Variants in CABS1 observed in about 807,000 individuals in gnomAD.
The protein encoded by CABS1 is calcium binding protein, spermatid associated 1, also known as calcium-binding and spermatid-specific protein 1.
For synonymous variants in CABS1, 195 were observed against 169.0 expected (o/e 1.15, Z -1.19); for missense variants, 500 against 464.3 (o/e 1.08, Z -0.71).
rs1288197615 is a variant in CABS1, at chr4:70,335,418, G to T, written c.379G>T (p.Val127Phe). The T allele has an allele frequency of 5.6e-6, 9 of 1,613,690 alleles. No homozygotes were observed. The East Asian group carries it at 2.0e-4, about 36-fold the overall frequency. The change falls in exon 1 of 2, where the codon GTT becomes TTT. Residue 127 changes from valine to phenylalanine, a missense_variant. Val to Phe is a conservative substitution (Grantham distance 50). Transcript: ENST00000273936. Reference sequence around the variant, plus strand: ...GAAAATTGGGAATATTTCATCACCAGTTACTACTGTTTCTTTAATAGATTT... The same window carrying T: ...GAAAATTGGGAATATTTCATCACCATTTACTACTGTTTCTTTAATAGATTT... ...PVKIGNISSP[V>F]TTVSLIDFST... is the part of the protein sequence containing the mutation.
Position 70,335,327 on chromosome 4 carries a change from T to A in CABS1, c.288T>A (p.Ile96=). ...IKSTTHLQKE[I]TSLTGTTNSI... is the part of the protein sequence containing the mutation. The stretch of plus-strand genomic sequence containing the variant: ...CAACAACTCACCTACAGAAAGAAAT[T>A]ACCTCTCTGACTGGCACTACAAACT... Residue 96 remains isoleucine (I), a synonymous_variant, in exon 1 of 2, where the codon ATT becomes ATA. Transcript: ENST00000273936. The A allele has an allele frequency of 6.2e-7, 1 of 1,613,776 alleles. No individual in the cohort carries two copies. Among genetic ancestry groups the A allele is most frequent in the Non-Finnish European group, 8.5e-7 (1 of 1,179,874 alleles).
chr4:70,335,102 A>AAC lies in CABS1; in HGVS notation c.64_65dup (p.Ala23LeufsTer30). 6.2e-7 allele frequency: 1 copy of AAC among 1,613,676 alleles called. No individual in the cohort carries two copies. Reference sequence around the variant, plus strand: ...CTCCAACAGAAAGCAGTAAAACACCAACTGCAGCAACCATTTTCTTTGGGG... The same window carrying AAC: ...CTCCAACAGAAAGCAGTAAAACACCAACACTGCAGCAACCATTTTCTTTGGGG... On this transcript the variant is annotated frameshift_variant, in exon 1 of 2. Coordinates refer to ENST00000273936, the MANE Select transcript of CABS1 (RefSeq NM_033122.4). LOFTEE classifies it low-confidence loss of function (END_TRUNC).
At chr4:70,336,431 G>A in intron 1 of CABS1, 85 bp downstream of exon 1, 2 of 588,946 alleles carry the variant, frequency 3.4e-6, no homozygotes, top group Non-Finnish European at 5.4e-6. Flanking sequence ...AAAAACCGCA[G>A]TGTAAGGGTC....
rs1441641724 is a variant in CABS1 at position 70,335,823 on chromosome 4, G to A, written c.784G>A (p.Glu262Lys). ...TGTGGCTACATTAACTGACTCTGAT[G>A]AGAAGTTTATCACTGTGTTTGAACT... Reference protein sequence around the residue: ...SAVATLTDSDEKFITVFELTT... With the variant: ...SAVATLTDSDKKFITVFELTT... Residue 262 changes from glutamate to lysine, a missense_variant, in exon 1 of 2, where the codon GAG (glutamate) becomes AAG (lysine). Glu to Lys is a moderately conservative substitution (Grantham distance 56, BLOSUM62 1). Coordinates refer to ENST00000273936, the MANE Select transcript of CABS1 (RefSeq NM_033122.4). 6.2e-7 allele frequency: 1 copy of A among 1,613,558 alleles called. No homozygotes were observed. Among genetic ancestry groups the A allele is most frequent in the Non-Finnish European group, 8.5e-7 (1 of 1,179,738 alleles).
In CABS1 at chr4:70,335,904, G is replaced by A; in HGVS notation, c.865G>A (p.Glu289Lys). 6.2e-7 allele frequency: 1 copy of A among 1,613,638 alleles called. No homozygotes were observed. The highest frequency in any genetic ancestry group is 8.5e-7 in the Non-Finnish European group (1 of 1,179,732). ...DKREDTLLTD[E>K]ETTEGASIWM... ...ACGGGAAGATACTCTGCTAACTGAT[G>A]AAGAAACTACCGAGGGAGCCAGTAT... is the stretch of plus-strand genomic sequence containing the variant. Residue 289 changes from glutamate to lysine, a missense_variant, in exon 1 of 2, where the codon GAA becomes AAA. Physicochemically the swap from Glu to Lys is moderately conservative, Grantham distance 56. Coordinates refer to ENST00000273936, the MANE Select transcript of CABS1 (RefSeq NM_033122.4).
In CABS1 at chr4:70,335,113, C is replaced by T. The variant is rs766182874; in HGVS notation, c.74C>T (p.Thr25Ile). 5.6e-6 allele frequency: 9 copies of T among 1,613,624 alleles called. No homozygotes were observed. The Admixed American group carries it at 6.7e-5, about 12-fold the overall frequency. The change falls in exon 1 of 2, where the codon ACC (threonine) becomes ATC (isoleucine). Residue 25 changes from threonine to isoleucine, a missense_variant. Physicochemically the swap from Thr to Ile is moderately conservative, Grantham distance 89 (BLOSUM62 -1). Transcript: ENST00000273936. Reference protein sequence around the residue: ...TESSKTPTAATIFFGADNAIP... With the variant: ...TESSKTPTAAIIFFGADNAIP... ...AGCAGTAAAACACCAACTGCAGCAA[C>T]CATTTTCTTTGGGGCTGACAATGCT...
Position 70,335,198 on chromosome 4 carries a change from A to C in CABS1, c.159A>C (p.Glu53Asp), listed in dbSNP as rs754668428. The stretch of plus-strand genomic sequence containing the variant: ...GAGACCACGTCACTTCAGTAAATGA[A>C]TATATGCTAGAAAGCGATTTTTCAA... ...SEGDHVTSVN[E>D]YMLESDFSTT... The change falls in exon 1 of 2, where the codon GAA becomes GAC. Residue 53 changes from glutamate to aspartate, a missense_variant. By Grantham distance (45) the Glu-to-Asp change is conservative. Transcript: ENST00000273936. 32 of 1,613,740 alleles carry C rather than the reference A, an allele frequency of 2.0e-5. 1 individual carries two copies. The East Asian group carries it at 5.6e-4, about 28-fold the overall frequency.
In CABS1 at chr4:70,336,267, C is replaced by G; in HGVS notation, c.*40C>G. 6.5e-7 allele frequency: 1 copy of G among 1,528,974 alleles called. No individual in the cohort carries two copies. The highest frequency in any genetic ancestry group is 8.8e-7 in the Non-Finnish European group (1 of 1,142,208). 94.7% of individuals were successfully genotyped at this position (1,528,974 alleles called of 1,614,324 possible). A position where few individuals can be genotyped will look rare whatever the true frequency, so the allele number is the denominator to read the frequency against. Reference sequence around the variant, plus strand: ...ATACCATGTAGAATTGTGCAATAGTCTAGCCAGCTAGCCTTAACATCTAAG... The same window carrying G: ...ATACCATGTAGAATTGTGCAATAGTGTAGCCAGCTAGCCTTAACATCTAAG... On this transcript the variant is annotated 3_prime_UTR_variant, in exon 1 of 2. Coordinates refer to ENST00000273936, the MANE Select transcript of CABS1 (RefSeq NM_033122.4).
chr4:70,335,823 GAGA>G lies in CABS1; in HGVS notation c.787_789del (p.Lys263del). 1 of 1,613,556 alleles carries G rather than the reference GAGA, an allele frequency of 6.2e-7. No homozygotes were observed. Among genetic ancestry groups the G allele is most frequent in the Non-Finnish European group, 8.5e-7 (1 of 1,179,736 alleles). On this transcript the variant is annotated inframe_deletion, in exon 1 of 2. Transcript: ENST00000273936. ...TGTGGCTACATTAACTGACTCTGAT[GAGA>G]AGTTTATCACTGTGTTTGAACTCAC... is the stretch of plus-strand genomic sequence containing the variant.
Position 70,336,139 on chromosome 4 carries a change from A to T in CABS1, c.1100A>T (p.Asp367Val). ...EPFSGTTSVL[D>V]TPDYKEDTST... ...TTTTCTGGAACTACCTCTGTATTAGATACCCCAGACTATAAGGAAGACACC... is the reference window on the plus strand; with the variant it reads ...TTTTCTGGAACTACCTCTGTATTAGTTACCCCAGACTATAAGGAAGACACC... The change falls in exon 1 of 2, where the codon GAT becomes GTT. Residue 367 changes from aspartate (D) to valine (V), a missense_variant. Physicochemically the swap from Asp to Val is radical, Grantham distance 152. Transcript: ENST00000273936. 2 of 1,613,284 alleles carry T rather than the reference A, an allele frequency of 1.2e-6. No individual in the cohort carries two copies. The highest frequency in any genetic ancestry group is 1.7e-6 in the Non-Finnish European group (2 of 1,179,512).
Position 70,335,426 on chromosome 4 carries a change from T to G in CABS1, c.387T>G (p.Thr129=), listed in dbSNP as rs759129392. 10 of 1,613,748 alleles carry G rather than the reference T, an allele frequency of 6.2e-6. No homozygotes were observed. The highest frequency in any genetic ancestry group is 3.3e-5 in the Admixed American group (2 of 59,972). The change falls in exon 1 of 2, where the codon ACT becomes ACG. Residue 129 remains threonine (T), a synonymous_variant. Transcript: ENST00000273936. ...KIGNISSPVT[T]VSLIDFSTDI... ...GGAATATTTCATCACCAGTTACTAC[T>G]GTTTCTTTAATAGATTTTTCCACTG...
At position 70,335,549 on chromosome 4, in the gene CABS1, T is replaced by C; in HGVS notation, c.510T>C (p.Ser170=). 1 of 1,613,688 alleles carries C rather than the reference T, an allele frequency of 6.2e-7. No homozygotes were observed. The highest frequency in any genetic ancestry group is 1.1e-5 in the South Asian group (1 of 91,074). The change falls in exon 1 of 2, where the codon AGT becomes AGC. Residue 170 remains serine, a synonymous_variant. Coordinates refer to ENST00000273936, the MANE Select transcript of CABS1 (RefSeq NM_033122.4). ...SEVSGTLKDS[S]AGVADAPAFP... ...TCTCTGGCACACTAAAGGACAGCAG[T>C]GCTGGTGTTGCTGACGCTCCTGCCT...
In CABS1 at chr4:70,335,356, TAACA is replaced by T; in HGVS notation, c.319_322del (p.Thr107GlufsTer11). On this transcript the variant is annotated frameshift_variant, in exon 1 of 2. Transcript: ENST00000273936. LOFTEE classifies it low-confidence loss of function (END_TRUNC). ...TCTCTGACTGGCACTACAAACTCCA[TAACA>T]AGAGACTCTATTACCGAACATTTCA... 1 of 1,613,814 alleles carries T rather than the reference TAACA, an allele frequency of 6.2e-7. No individual in the cohort carries two copies. Among genetic ancestry groups the T allele is most frequent in the Non-Finnish European group, 8.5e-7 (1 of 1,179,868 alleles).
At position 70,335,148 on chromosome 4, in the gene CABS1, T is replaced by A. The variant is rs1304483970; in HGVS notation, c.109T>A (p.Ser37Thr). ...TGGGGCTGACAATGCTATTCCCAAATCAGAAACAACTATTACTTCAGAAGG... is the reference window on the plus strand; with the variant it reads ...TGGGGCTGACAATGCTATTCCCAAAACAGAAACAACTATTACTTCAGAAGG... ...FFGADNAIPK[S>T]ETTITSEGDH... Residue 37 changes from serine (S) to threonine (T), a missense_variant, in exon 1 of 2, where the codon TCA becomes ACA. Transcript: ENST00000273936. The A allele has an allele frequency of 6.2e-7, 1 of 1,613,744 alleles. No individual in the cohort carries two copies. The highest frequency in any genetic ancestry group is 1.1e-5 in the South Asian group (1 of 91,072).
In CABS1 at chr4:70,335,719, C is replaced by CT; in HGVS notation, c.681dup (p.Ile228TyrfsTer8). The CT allele has an allele frequency of 6.2e-7, 1 of 1,613,624 alleles. No individual in the cohort carries two copies. Among genetic ancestry groups the CT allele is most frequent in the Non-Finnish European group, 8.5e-7 (1 of 1,179,746 alleles). On this transcript the variant is annotated frameshift_variant, in exon 1 of 2. Transcript: ENST00000273936. LOFTEE classifies it low-confidence loss of function (END_TRUNC). Reference sequence around the variant, plus strand: ...CCTGCTCCTGAAGAAAGCTTCACTACTATTCCAGACATAACTGCCCTTGAA... The same window carrying CT: ...CCTGCTCCTGAAGAAAGCTTCACTACTTATTCCAGACATAACTGCCCTTGAA...
At chr4:70,336,662 A>T (rs999992664) in intron 1 of CABS1, among the ~76,000 whole-genome samples, 1 of 143,144 alleles carries the variant, frequency 7.0e-6, no homozygotes, top group Non-Finnish European at 1.6e-5. Context: ...TAGCCTAAAA[A>T]GTTCTCCCAA....
Position 70,335,510 on chromosome 4 carries a change from A to T in CABS1, c.471A>T (p.Ser157=). Residue 157 remains serine, a synonymous_variant, in exon 1 of 2, where the codon TCA becomes TCT. Transcript: ENST00000273936. ...ATIDTGDAEI[S]ITSEVSGTLK... ...TTGACACAGGAGATGCAGAGATCTC[A>T]ATAACCTCTGAAGTCTCTGGCACAC... 1 of 1,613,700 alleles carries T rather than the reference A, an allele frequency of 6.2e-7. No homozygotes were observed. Among genetic ancestry groups the T allele is most frequent in the Non-Finnish European group, 8.5e-7 (1 of 1,179,778 alleles).
In CABS1 at chr4:70,335,750, G is replaced by C; in HGVS notation, c.711G>C (p.Glu237Asp). 6.2e-7 allele frequency: 1 copy of C among 1,613,564 alleles called. No individual in the cohort carries two copies. The change falls in exon 1 of 2, where the codon GAG (glutamate) becomes GAC (aspartate). Residue 237 changes from glutamate (E) to aspartate (D), a missense_variant. By Grantham distance (45) the Glu-to-Asp change is conservative. Transcript: ENST00000273936. ...TIPDITALEE[E>D]KITEIDLSVL... ...CAGACATAACTGCCCTTGAAGAAGA[G>C]AAAATAACCGAAATTGACCTAAGTG...
chr4:70,336,340 A>C lies in CABS1; in HGVS notation c.*113A>C. On this transcript the variant is annotated 3_prime_UTR_variant, in exon 1 of 2. Coordinates refer to ENST00000273936, the MANE Select transcript of CABS1 (RefSeq NM_033122.4). ...CCTTTAGAAATGAAAGAATGTGGGC[A>C]TTTAAGGCAAGTATTCGACTCAATA... 1 of 1,382,340 alleles carries C rather than the reference A, an allele frequency of 7.2e-7. No homozygotes were observed. Among genetic ancestry groups the C allele is most frequent in the Non-Finnish European group, 9.6e-7 (1 of 1,042,928 alleles). 85.6% of individuals were successfully genotyped at this position (1,382,340 alleles called of 1,614,324 possible).
Sources: allele counts gnomAD v4.1 joint callset (sites outside exome capture counted in the v4.1 genomes callset), GRCh38; gene constraint gnomAD v4.1.1; transcripts MANE v1.5; gene names NCBI Gene and HGNC (gene_info 2026-07-23, HGNC 2026-07-21).